The following AR variants were observed in gnomAD, a reference collection of about 807,000 sequenced individuals.
AR encodes androgen receptor, also known as dihydrotestosterone receptor.
A neutral mutation model predicts 53.9 loss-of-function variants in AR; 8 were observed. That is an observed-to-expected ratio of 0.15 (90% CI 0.09 to 0.27). The LOEUF (loss-of-function observed/expected upper bound fraction) is 0.27, where lower values mean the gene tolerates loss of function less well. Ranked by LOEUF, AR falls within the 10% of genes least tolerant of loss-of-function variation. The probability of loss-of-function intolerance (pLI) is 1.00; values close to 1 mark genes in which losing one functional copy is unlikely to be tolerated. For synonymous variants in AR, 359 were observed against 316.4 expected (o/e 1.13, Z -1.43); for missense variants, 639 against 742.5 (o/e 0.86, Z 1.62).
chrX:67,642,057 A>T (rs1925804889), intron 1 of AR, among the ~76,000 whole-genome samples: 1 of 111,309 alleles, frequency 9.0e-6, no homozygotes, highest in African/African-American at 3.3e-5. Context: ...ATGAGAAAAT[A>T]AGCTTGTCTT....
intron 1 of AR, among the ~76,000 whole-genome samples, chrX:67,600,483 T>TA (rs1309542251): frequency 4.5e-5 from 5 of 110,681 alleles, no homozygotes; most frequent in Non-Finnish European, 9.5e-5. Context: ...CTGTGGAATC[T>TA]AAAAATCAAA....
chrX:67,681,251 C>T (rs2075932144), intron 2 of AR, among the ~76,000 whole-genome samples: 1 of 111,210 alleles, frequency 9.0e-6, no homozygotes, highest in Non-Finnish European at 1.9e-5. Context: ...GGGGAGCTGC[C>T]TAGGAAGTTG....
intron 1 of AR, among the ~76,000 whole-genome samples, chrX:67,631,595 A>G (rs1452438103): frequency 9.0e-6 from 1 of 111,512 alleles, no homozygotes; most frequent in Non-Finnish European, 1.9e-5. Flanking sequence ...ATGTCCTCCC[A>G]TAGCTTGGAG....
chrX:67,694,431 T>A, intron 3 of AR, among the ~76,000 whole-genome samples: 1 of 109,748 alleles, frequency 9.1e-6, no homozygotes, highest in African/African-American at 3.3e-5. Flanking sequence ...TATTTGTCAA[T>A]AAAGCAGAAA....
intron 3 of AR, chrX:67,689,543 CT>C (rs765002431): frequency 5.1e-4 from 483 of 955,629 alleles, no homozygotes; most frequent in Non-Finnish European, 5.9e-4. Context: ...CTGTTTCTTG[CT>C]TTTTTTTCTA....
At position 67,546,123 on chromosome X, in the gene AR, G is replaced by A. The variant is rs2147319452; in HGVS notation, c.977G>A (p.Gly326Asp). 1 of 1,212,285 alleles carries A rather than the reference G, an allele frequency of 8.2e-7. No individual in the cohort carries two copies. Among genetic ancestry groups the A allele is most frequent in the Non-Finnish European group, 1.1e-6 (1 of 895,568 alleles). ...AAAGGGCTAGAAGGCGAGAGCCTAG[G>A]CTGCTCTGGCAGCGCTGCAGCAGGG... ...YTKGLEGESL[G>D]CSGSAAAGSS... The change falls in exon 1 of 8, where the codon GGC becomes GAC. Residue 326 changes from glycine to aspartate, a missense_variant. Coordinates refer to ENST00000374690, the MANE Select transcript of AR (RefSeq NM_000044.6).
intron 2 of AR, among the ~76,000 whole-genome samples, chrX:67,674,611 T>C (rs994002256): frequency 2.7e-5 from 3 of 111,588 alleles, no homozygotes; most frequent in Non-Finnish European, 5.7e-5. Flanking sequence ...ATTGTCTGGC[T>C]ACCACCAATC....
intron 2 of AR, among the ~76,000 whole-genome samples, chrX:67,664,963 A>T (rs1239042657): frequency 1.8e-5 from 2 of 112,822 alleles, no homozygotes; most frequent in East Asian, 5.6e-4. Context: ...AGACCATTGA[A>T]AAAGTGCAGT....
At chrX:67,694,831 C>T in intron 3 of AR, 1 of 1,105,574 alleles carries the variant, frequency 9.0e-7, no homozygotes, top group Non-Finnish European at 1.2e-6. Context: ...TGCTCCTCAA[C>T]ACAGACTTTG....
Position 67,546,247 on chromosome X carries a change from T to C in AR, c.1101T>C (p.Phe367=). The change falls in exon 1 of 8, where the codon TTT becomes TTC. Residue 367 remains phenylalanine, a synonymous_variant. Coordinates refer to ENST00000374690, the MANE Select transcript of AR (RefSeq NM_000044.6). ...AAYQSRDYYN[F]PLALAGPPPP... is the part of the protein sequence containing the mutation. ...ACCAGAGTCGCGACTACTACAACTT[T>C]CCACTGGCTCTGGCCGGACCGCCGC... 1 of 1,210,179 alleles carries C rather than the reference T, an allele frequency of 8.3e-7. No individual in the cohort carries two copies. Among genetic ancestry groups the C allele is most frequent in the Non-Finnish European group, 1.1e-6 (1 of 895,012 alleles).
intron 2 of AR, among the ~76,000 whole-genome samples, chrX:67,681,288 C>T (rs1244619205): frequency 9.0e-6 from 1 of 111,396 alleles, no homozygotes; most frequent in South Asian, 3.7e-4. Context: ...TTTTCAGTCT[C>T]TTAGGTTATA....
chrX:67,672,123 C>T (rs2075869208), intron 2 of AR, among the ~76,000 whole-genome samples: 2 of 111,526 alleles, frequency 1.8e-5, no homozygotes, highest in Admixed American at 1.9e-4. Flanking sequence ...CTCAACACCC[C>T]ACCCCCACGG....
intron 1 of AR, among the ~76,000 whole-genome samples, chrX:67,626,030 T>C (rs1412499998): frequency 8.9e-6 from 1 of 111,793 alleles, no homozygotes. Flanking sequence ...TTAGGATAAA[T>C]GAAGTATCCA....
chrX:67,729,948 T>C lies in AR; in HGVS notation c.*6107T>C, dbSNP rs1006944551. On this transcript the variant is annotated 3_prime_UTR_variant, in exon 8 of 8. Coordinates refer to ENST00000374690, the MANE Select transcript of AR (RefSeq NM_000044.6). The stretch of plus-strand genomic sequence containing the variant: ...CCTATCCCATAAGCCACTTGGATGC[T>C]GACAGCAGCCACCATCAGAATGACC... 4.1e-5 allele frequency: 7 copies of C among 169,702 alleles called. No individual in the cohort carries two copies. In the Admixed American group the frequency reaches 4.1e-4, roughly 10 times the overall value. 14.0% of individuals were successfully genotyped at this position (169,702 alleles called of 1,213,427 possible). A position where few individuals can be genotyped will look rare whatever the true frequency, so the allele number is the denominator to read the frequency against.
At position 67,612,843 on chromosome X, in the gene AR, C is replaced by A. The variant is rs780102259; in HGVS notation, c.1617-30413C>A. ...CCTGTTCCTAATCCTTCCCTTATCT[C>A]CATTCTTCAGGCAAGTGCAACCAAG... On this transcript the variant is annotated intron_variant, in intron 1 of 7. Coordinates refer to ENST00000374690, the MANE Select transcript of AR (RefSeq NM_000044.6). Among the ~76,000 whole-genome samples the A allele has an allele frequency of 5.3e-5, 6 of 112,379 alleles. No individual in the cohort carries two copies. In the South Asian group the frequency reaches 2.2e-3, roughly 41 times the overall value.
chrX:67,639,601 A>G (rs1168787416), intron 1 of AR, among the ~76,000 whole-genome samples: 1 of 111,662 alleles, frequency 9.0e-6, no homozygotes. Context: ...GAGTTCACTC[A>G]TGATTTGGCT....
chrX:67,545,056 A>G lies in AR; in HGVS notation c.-91A>G. Reference sequence around the variant, plus strand: ...AGGTGGGCAGCTAGCTGCAGCGACTACCGCATCATCACAGCCTGTTGAACT... The same window carrying G: ...AGGTGGGCAGCTAGCTGCAGCGACTGCCGCATCATCACAGCCTGTTGAACT... On this transcript the variant is annotated 5_prime_UTR_variant, in exon 1 of 8. Transcript: ENST00000374690. 9.2e-7 allele frequency: 1 copy of G among 1,088,383 alleles called. No homozygotes were observed. The highest frequency in any genetic ancestry group is 1.2e-6 in the Non-Finnish European group (1 of 828,235). The allele number at this position is 1,088,383 out of a possible 1,213,427, so 89.7% of individuals were successfully genotyped here.
intron 2 of AR, among the ~76,000 whole-genome samples, chrX:67,671,166 A>G (rs1230688951): frequency 1.8e-5 from 2 of 112,015 alleles, no homozygotes; most frequent in Admixed American, 1.9e-4. Context: ...TAGATCCTTA[A>G]TGAATTGCCA....
At chrX:67,560,268 G>C (rs1479350215) in intron 1 of AR, among the ~76,000 whole-genome samples, 1 of 111,312 alleles carries the variant, frequency 9.0e-6, no homozygotes, top group Non-Finnish European at 1.9e-5. Flanking sequence ...GTTTCCCAAA[G>C]CCTTCTCAGT....
Sources: gnomAD v4.1 joint callset for allele counts (sites outside exome capture counted in the v4.1 genomes callset) on GRCh38, gnomAD v4.1.1 for gene constraint, MANE v1.5 for transcripts, NCBI Gene and HGNC (gene_info 2026-07-23, HGNC 2026-07-21) for gene names.